The following PPARGC1A variants were observed in gnomAD, a reference collection of about 807,000 sequenced individuals.
PPARGC1A encodes the protein peroxisome proliferator-activated receptor gamma coactivator 1-alpha.
In PPARGC1A, 25 loss-of-function variants were observed where a neutral mutation model predicts 88.7. The ratio of observed to expected loss-of-function variants is 0.28; its 90% CI spans 0.21 to 0.39. PPARGC1A has a LOEUF of 0.39. Among genes scored for constraint, PPARGC1A ranks in the 10% least tolerant of loss-of-function variants. The pLI, the probability that PPARGC1A is intolerant of heterozygous loss-of-function variation, is 1.00. For synonymous variants in PPARGC1A, 363 were observed against 355.6 expected (o/e 1.02, Z -0.24); for missense variants, 880 against 968.7 (o/e 0.91, Z 1.22).
At chr4:23,846,476 C>T (rs966551969) in intron 2 of PPARGC1A, among the ~76,000 whole-genome samples, 3 of 152,146 alleles carry the variant, frequency 2.0e-5, no homozygotes, top group Admixed American at 1.3e-4. Flanking sequence ...TTGCCATATG[C>T]TTTCTTTAAA....
the PPARGC1A span, among the ~76,000 whole-genome samples, chr4:24,328,926 A>ACTGCCT: frequency 6.6e-6 from 1 of 152,192 alleles, no homozygotes; most frequent in East Asian, 1.9e-4. Flanking sequence ...CAGTAAACAC[A>ACTGCCT]CTGCCTCGGA....
chr4:23,854,414 G>A (rs1174337461), intron 2 of PPARGC1A, among the ~76,000 whole-genome samples: 1 of 152,166 alleles, frequency 6.6e-6, no homozygotes, highest in African/African-American at 2.4e-5. Flanking sequence ...CCTGGGAAAT[G>A]AAGGCACATC....
At chr4:24,187,892 T>C in the PPARGC1A span, among the ~76,000 whole-genome samples, 5 of 152,160 alleles carry the variant, frequency 3.3e-5, no homozygotes, top group Non-Finnish European at 5.9e-5. Flanking sequence ...GAGAATAACA[T>C]GAGGGATCTG....
At chr4:24,014,549 C>A in the PPARGC1A span, among the ~76,000 whole-genome samples, 1 of 152,126 alleles carries the variant, frequency 6.6e-6, no homozygotes, top group African/African-American at 2.4e-5. Context: ...AAGATGTCAG[C>A]CAGCCTGTGT....
At chr4:24,411,989 T>C in the PPARGC1A span, among the ~76,000 whole-genome samples, 2 of 152,246 alleles carry the variant, frequency 1.3e-5, no homozygotes, top group African/African-American at 4.8e-5. Context: ...ATGCACATTT[T>C]TGTGTGGACA....
the PPARGC1A span, among the ~76,000 whole-genome samples, chr4:24,438,792 G>A: frequency 1.3e-5 from 2 of 151,740 alleles, no homozygotes; most frequent in Admixed American, 1.3e-4. Flanking sequence ...GTCCGTTAGT[G>A]AAAGGGATTT....
At chr4:24,138,188 C>T in the PPARGC1A span, among the ~76,000 whole-genome samples, 1 of 152,198 alleles carries the variant, frequency 6.6e-6, no homozygotes. Context: ...TGCAGTTAAC[C>T]TGTAGTCCGA....
the PPARGC1A span, among the ~76,000 whole-genome samples, chr4:24,300,485 C>A: frequency 1.3e-5 from 2 of 151,432 alleles, no homozygotes; most frequent in East Asian, 3.9e-4. Context: ...GTATGTTAGA[C>A]ACTCAGGTAG....
chr4:23,939,219 C>T, the PPARGC1A span, among the ~76,000 whole-genome samples: 1 of 151,830 alleles, frequency 6.6e-6, no homozygotes, highest in African/African-American at 2.4e-5. Context: ...AAGAACTTTG[C>T]ATATCAAACC....
At chr4:23,871,326 A>C (rs1713312520) in intron 2 of PPARGC1A, among the ~76,000 whole-genome samples, 1 of 152,244 alleles carries the variant, frequency 6.6e-6, no homozygotes. Context: ...GATAGGATTA[A>C]AGGAGCTAGA....
the PPARGC1A span, among the ~76,000 whole-genome samples, chr4:24,273,901 T>C: frequency 6.6e-6 from 1 of 151,640 alleles, no homozygotes; most frequent in Non-Finnish European, 1.5e-5. Context: ...CAGCTAATTT[T>C]TTTTTTTAAT....
At chr4:23,837,195 A>G (rs1304686204) in intron 2 of PPARGC1A, among the ~76,000 whole-genome samples, 10 of 152,156 alleles carry the variant, frequency 6.6e-5, no homozygotes, top group African/African-American at 2.4e-4. Flanking sequence ...CAAATCATCA[A>G]TAAGAAGGAA....
the PPARGC1A span, among the ~76,000 whole-genome samples, chr4:24,273,499 C>T: frequency 2.0e-5 from 3 of 152,078 alleles, no homozygotes; most frequent in Admixed American, 6.6e-5. Flanking sequence ...ATTAGAGACA[C>T]TGTATCATCT....
At chr4:24,453,738 C>CCATT in the PPARGC1A span, among the ~76,000 whole-genome samples, 3 of 152,112 alleles carry the variant, frequency 2.0e-5, no homozygotes, top group Non-Finnish European at 4.4e-5. Flanking sequence ...CGAGATCATG[C>CCATT]CATTGCACTC....
At chr4:24,130,400 A>C in the PPARGC1A span, among the ~76,000 whole-genome samples, 82 of 152,306 alleles carry the variant, frequency 5.4e-4, no homozygotes, top group South Asian at 1.4e-3. Flanking sequence ...GGCTTTTAAC[A>C]AACAATGTTC....
At chr4:24,167,612 A>G in the PPARGC1A span, among the ~76,000 whole-genome samples, 8 of 152,216 alleles carry the variant, frequency 5.3e-5, no homozygotes, top group African/African-American at 1.9e-4. Flanking sequence ...TGCCACAGCC[A>G]CCCAACCCTC....
chr4:23,823,699 G>A (rs943670623), intron 7 of PPARGC1A, among the ~76,000 whole-genome samples: 1 of 152,004 alleles, frequency 6.6e-6, no homozygotes, highest in Non-Finnish European at 1.5e-5. Flanking sequence ...ATGTATATAT[G>A]TACATATGTG....
chr4:24,245,925 G>GCACA, the PPARGC1A span, among the ~76,000 whole-genome samples: 36,237 of 148,188 alleles, frequency 0.24, 4,349 homozygotes, highest in South Asian at 0.28. Context: ...AAAGCCATGT[G>GCACA]CACACACACA....
At chr4:24,451,301 T>C in the PPARGC1A span, among the ~76,000 whole-genome samples, 689 of 152,354 alleles carry the variant, frequency 4.5e-3, 3 homozygotes, top group Non-Finnish European at 6.9e-3. Flanking sequence ...TGTCATATTT[T>C]CTACCCTGGC....
Sources: allele counts gnomAD v4.1 joint callset (sites outside exome capture counted in the v4.1 genomes callset), GRCh38; gene constraint gnomAD v4.1.1; transcripts MANE v1.5; gene names NCBI Gene and HGNC (gene_info 2026-07-23, HGNC 2026-07-21).